The following KALRN variants were observed in gnomAD, a reference collection of about 807,000 sequenced individuals.
The protein encoded by KALRN is kalirin.
KALRN carries 70 observed loss-of-function variants against 353.7 expected under a neutral mutation model. The observed-to-expected ratio is 0.20, with a 90% CI of 0.16 to 0.24. The LOEUF (loss-of-function observed/expected upper bound fraction) is 0.24. KALRN is among the 10% of genes least tolerant of loss of function. KALRN has a pLI of 1.00. For synonymous variants in KALRN, 1,391 were observed against 1,434.8 expected (o/e 0.97, Z 0.69); for missense variants, 2,791 against 3,756.7 (o/e 0.74, Z 6.72).
At chr3:124,661,669 A>G (rs2084894433) in intron 44 of KALRN, among the ~76,000 whole-genome samples, 182 bp from the exon 45 acceptor site, 1 of 152,180 alleles carries the variant, frequency 6.6e-6, no homozygotes, top group Non-Finnish European at 1.5e-5. Context: ...CTGAGGACCA[A>G]CACCCTCCCT....
At chr3:124,341,378 T>C (rs1382255552) in intron 9 of KALRN, among the ~76,000 whole-genome samples, 5 of 152,220 alleles carry the variant, frequency 3.3e-5, no homozygotes, top group African/African-American at 1.2e-4. Flanking sequence ...CTTGGCCACA[T>C]ATGCACGTGG....
At chr3:124,311,557 G>A (rs1047607293) in intron 6 of KALRN, among the ~76,000 whole-genome samples, 2 of 152,172 alleles carry the variant, frequency 1.3e-5, no homozygotes, top group African/African-American at 4.8e-5. Context: ...GTGTAAAATG[G>A]TATAACTACT....
chr3:124,472,575 ATGTGTGTG>A (rs57265173), intron 25 of KALRN, among the ~76,000 whole-genome samples: 5,775 of 148,686 alleles, frequency 0.039, 375 homozygotes, highest in African/African-American at 0.13. Flanking sequence ...GTGTGTGTAT[ATGTGTGTG>A]TGTGTGTGTG....
rs75957274 is a variant in KALRN at position 124,131,908 on chromosome 3, A to C, written c.74-96082A>C. Among the ~76,000 whole-genome samples, 390 of 152,264 alleles carry C rather than the reference A, an allele frequency of 2.6e-3. 1 individual carries two copies. The highest frequency in any genetic ancestry group is 8.8e-3 in the African/African-American group (364 of 41,562). On this transcript the variant is annotated intron_variant, in intron 1 of 59. Coordinates refer to ENST00000682506, the MANE Select transcript of KALRN (RefSeq NM_001388419.1). ...CCTGGACCTTAGTTCCTCCTCTGTA[A>C]AATGGGGGAAATGATGTCATAAGTC...
chr3:124,432,866 A>T (rs2093332300), intron 16 of KALRN, among the ~76,000 whole-genome samples: 1 of 152,224 alleles, frequency 6.6e-6, no homozygotes, highest in Non-Finnish European at 1.5e-5. Context: ...GATATAGGCC[A>T]CTTAGTCTCG....
chr3:124,675,799 C>G (rs2087122103), intron 49 of KALRN, among the ~76,000 whole-genome samples: 1 of 152,094 alleles, frequency 6.6e-6, no homozygotes, highest in African/African-American at 2.4e-5. Flanking sequence ...CGCTGCTTTC[C>G]CCTGCTGCAT....
At chr3:124,502,774 A>G (rs1001289958) in intron 33 of KALRN, among the ~76,000 whole-genome samples, 2 of 152,208 alleles carry the variant, frequency 1.3e-5, no homozygotes, top group Non-Finnish European at 2.9e-5. Context: ...TAGAGTTTCA[A>G]GGGGCCACAG....
At chr3:124,133,917 A>G (rs189639531) in intron 1 of KALRN, among the ~76,000 whole-genome samples, 1 of 152,318 alleles carries the variant, frequency 6.6e-6, no homozygotes, top group East Asian at 1.9e-4. Flanking sequence ...ATGCTCATGG[A>G]TGGGTAGAAT....
chr3:124,544,907 G>A (rs1235352520), intron 33 of KALRN, among the ~76,000 whole-genome samples: 1 of 152,220 alleles, frequency 6.6e-6, no homozygotes, highest in East Asian at 1.9e-4. Flanking sequence ...AGGGTAGGGT[G>A]CTCTAGGCAG....
At chr3:124,378,224 G>A (rs558847437) in intron 10 of KALRN, among the ~76,000 whole-genome samples, 7 of 151,558 alleles carry the variant, frequency 4.6e-5, no homozygotes, top group African/African-American at 1.7e-4. Flanking sequence ...TTTAATGGTT[G>A]CCTTAGGGTT....
chr3:124,558,165 A>G (rs1176163148), intron 33 of KALRN, among the ~76,000 whole-genome samples: 1 of 152,226 alleles, frequency 6.6e-6, no homozygotes, highest in Non-Finnish European at 1.5e-5. Flanking sequence ...GTATATGCAT[A>G]TATACAGTTG....
intron 10 of KALRN, among the ~76,000 whole-genome samples, chr3:124,351,901 T>C (rs184951266): frequency 6.4e-4 from 97 of 152,326 alleles, no homozygotes; most frequent in Non-Finnish European, 1.1e-3. Context: ...ATGGCTGACA[T>C]AGAAGCTGAG....
rs966454391 is a variant in KALRN at position 124,134,219 on chromosome 3, TA to T, written c.74-93768del. 1.4e-4 allele frequency among the ~76,000 whole-genome samples: 22 copies of T among 151,820 alleles called. 1 individual carries two copies. The highest frequency in any genetic ancestry group is 4.4e-5 in the Non-Finnish European group (3 of 67,940). Reference sequence around the variant, plus strand: ...TGGAACAGAATAGAGAACCCAGAAATAAACCCAAATACTTACAACCAACTGA... The same window carrying T: ...TGGAACAGAATAGAGAACCCAGAAATAACCCAAATACTTACAACCAACTGA... On this transcript the variant is annotated intron_variant, in intron 1 of 59. Transcript: ENST00000682506.
chr3:124,639,737 CT>C (rs2081815008), intron 37 of KALRN, among the ~76,000 whole-genome samples: 1 of 152,196 alleles, frequency 6.6e-6, no homozygotes, highest in African/African-American at 2.4e-5. Context: ...AATGTCCTTT[CT>C]GTGGTGAGTG....
intron 1 of KALRN, among the ~76,000 whole-genome samples, chr3:124,062,048 A>C (rs2042036772): frequency 6.6e-6 from 1 of 152,178 alleles, no homozygotes; most frequent in African/African-American, 2.4e-5. Context: ...CTCCTTGCTG[A>C]ATCACAATCT....
intron 6 of KALRN, among the ~76,000 whole-genome samples, chr3:124,305,818 C>A (rs2077642037): frequency 6.6e-6 from 1 of 151,168 alleles, no homozygotes; most frequent in Non-Finnish European, 1.5e-5. Context: ...GTCCAATTTT[C>A]AACAAAAAAA....
chr3:124,671,107 AC>A (rs1421765280), intron 47 of KALRN, among the ~76,000 whole-genome samples: 4 of 152,278 alleles, frequency 2.6e-5, no homozygotes, highest in African/African-American at 9.6e-5. Context: ...CCTAACCACT[AC>A]AAGGTCAGTG....
chr3:124,071,407 C>A (rs2060013179), intron 1 of KALRN, among the ~76,000 whole-genome samples: 1 of 152,196 alleles, frequency 6.6e-6, no homozygotes, highest in South Asian at 2.1e-4. Flanking sequence ...GAAGATCTCA[C>A]CTAAGGCTGT....
At chr3:124,664,137 T>A (rs1280003289) in intron 45 of KALRN, among the ~76,000 whole-genome samples, 1 of 148,588 alleles carries the variant, frequency 6.7e-6, no homozygotes, top group Non-Finnish European at 1.5e-5. Context: ...CCCTTGGCGT[T>A]ACATCAGGTC....
Sources: gnomAD v4.1 joint callset for allele counts (sites outside exome capture counted in the v4.1 genomes callset) on GRCh38, gnomAD v4.1.1 for gene constraint, MANE v1.5 for transcripts, NCBI Gene and HGNC (gene_info 2026-07-23, HGNC 2026-07-21) for gene names.